Variants in TBC1D13 observed in about 807,000 individuals in gnomAD.
TBC1D13 encodes epididymis secretory sperm binding protein.
In TBC1D13, 40 loss-of-function variants were observed where a neutral mutation model predicts 53.6. The ratio of observed to expected loss-of-function variants is 0.75; its 90% CI spans 0.58 to 0.97. The LOEUF (loss-of-function observed/expected upper bound fraction) is 0.97, where lower values mean the gene tolerates loss of function less well. Among genes scored for constraint, TBC1D13 ranks in the 50% least tolerant of loss-of-function variants. The pLI is 0.00. For synonymous variants in TBC1D13, 182 were observed against 197.7 expected, an observed-to-expected ratio of 0.92 and a Z score of 0.67; for missense variants, 377 against 499.4, an observed-to-expected ratio of 0.75 and a Z score of 2.34.
Position 128,803,499 on chromosome 9 carries a change from C to T in TBC1D13, c.754+39C>T, listed in dbSNP as rs763809379. 2.5e-6 allele frequency: 4 copies of T among 1,595,982 alleles called. 1 individual carries two copies. The South Asian group carries it at 4.4e-5, about 18-fold the overall frequency. On this transcript the variant is annotated intron_variant, in intron 8 of 11. Coordinates refer to ENST00000372648, the MANE Select transcript of TBC1D13 (RefSeq NM_018201.5). ...TGGTGCCCACATCCCTCGTTGCTGG[C>T]CCGTGTCAGGCTGTGCACCTCACTT...
Position 128,790,757 on chromosome 9 carries a change from G to A in TBC1D13, c.120G>A (p.Leu40=), listed in dbSNP as rs1829518342. The A allele has an allele frequency of 1.3e-6, 2 of 1,554,794 alleles. No individual in the cohort carries two copies. The highest frequency in any genetic ancestry group is 1.7e-6 in the Non-Finnish European group (2 of 1,159,868). ...SFSGIPCEGG[L]RCLCWKILLN... The stretch of plus-strand genomic sequence containing the variant: ...CAGGCATCCCCTGTGAGGGCGGACT[G>A]CGGTGCCTCTGCTGGAAGGTGGGTG... The change falls in exon 3 of 12, where the codon CTG becomes CTA. Residue 40 remains leucine (L), a synonymous_variant. Transcript: ENST00000372648.
At chr9:128,801,779 T>TC (rs2132547936) in intron 7 of TBC1D13, among the ~76,000 whole-genome samples, 1 of 151,054 alleles carries the variant, frequency 6.6e-6, no homozygotes, top group South Asian at 2.1e-4. Flanking sequence ...TTTTTTTTTT[T>TC]GAGACGGAGT....
At chr9:128,795,979 GTATA>G (rs1829622905) in intron 6 of TBC1D13, among the ~76,000 whole-genome samples, 1 of 152,152 alleles carries the variant, frequency 6.6e-6, no homozygotes, top group Non-Finnish European at 1.5e-5. Flanking sequence ...TAAAAAAAAA[GTATA>G]TATCTATTTG....
At chr9:128,804,229 C>T in intron 9 of TBC1D13, 110 bp downstream of exon 9, 3 of 1,257,556 alleles carry the variant, frequency 2.4e-6, no homozygotes, top group Non-Finnish European at 3.3e-6. Context: ...GAAGTAGCTG[C>T]TGCTGCTGCT....
chr9:128,789,034 A>C (rs1218620448), intron 2 of TBC1D13, among the ~76,000 whole-genome samples: 1 of 152,170 alleles, frequency 6.6e-6, no homozygotes, highest in African/African-American at 2.4e-5. Context: ...GCCAGCAAGA[A>C]CTTCTGGCCG....
At position 128,808,992 on chromosome 9, in the gene TBC1D13, C is replaced by T. The variant is rs1486326320; in HGVS notation, c.*1113C>T. On this transcript the variant is annotated 3_prime_UTR_variant, in exon 12 of 12. Coordinates refer to ENST00000372648, the MANE Select transcript of TBC1D13 (RefSeq NM_018201.5). Reference sequence around the variant, plus strand: ...AGGACCTTGATTCTGAGCCCAGGGTCGGAACCCATTGCTTCAGAAGAGTTG... The same window carrying T: ...AGGACCTTGATTCTGAGCCCAGGGTTGGAACCCATTGCTTCAGAAGAGTTG... The T allele has an allele frequency of 6.6e-6, 1 of 152,194 alleles. No homozygotes were observed. The highest frequency in any genetic ancestry group is 2.4e-5 in the African/African-American group (1 of 41,434). The allele number at this position is 152,194 out of a possible 1,614,324, so 9.4% of individuals were successfully genotyped here.
In TBC1D13 at chr9:128,788,133, T is replaced by G. The variant is rs188280475; in HGVS notation, c.24-201T>G. Among the ~76,000 whole-genome samples the G allele has an allele frequency of 4.3e-4, 66 of 152,320 alleles. 1 individual carries two copies. The highest frequency in any genetic ancestry group is 1.5e-3 in the African/African-American group (64 of 41,560). On this transcript the variant is annotated intron_variant, in intron 1 of 11. Transcript: ENST00000372648. ...TTCCCTGGCATTCTGTGTTTCTGGT[T>G]GTAGAGGAAGAAGTGAAATATAGTT... is the stretch of plus-strand genomic sequence containing the variant.
Position 128,807,886 on chromosome 9 carries a change from G to A in TBC1D13, c.*7G>A, listed in dbSNP as rs138369346. On this transcript the variant is annotated 3_prime_UTR_variant, in exon 12 of 12. Transcript: ENST00000372648. Reference sequence around the variant, plus strand: ...GCTCCAAGACTCAAAGTAGCCCGGCGGCAAGAGGCCCATGTTCCGGAGAGA... The same window carrying A: ...GCTCCAAGACTCAAAGTAGCCCGGCAGCAAGAGGCCCATGTTCCGGAGAGA... The A allele has an allele frequency of 6.5e-4, 1,043 of 1,614,076 alleles. 9 individuals are homozygous for A. The African/African-American group carries it at 0.012, about 19-fold the overall frequency.
At position 128,803,878 on chromosome 9, in the gene TBC1D13, C is replaced by T. The variant is rs1829780130; in HGVS notation, c.755-78C>T. 1.1e-5 allele frequency: 17 copies of T among 1,571,420 alleles called. 1 individual carries two copies. In the Admixed American group the frequency reaches 1.2e-4, roughly 11 times the overall value. ...TGGGGCAACTCGGCGGGGCTCAGAG[C>T]AGGGCAGATGTCTGGTAGGTGAGAG... is the stretch of plus-strand genomic sequence containing the variant. On this transcript the variant is annotated intron_variant, in intron 8 of 11. Transcript: ENST00000372648.
At chr9:128,803,786 C>T (rs910582917) in intron 8 of TBC1D13, among the ~76,000 whole-genome samples, 170 bp from the exon 9 acceptor site, 1 of 152,054 alleles carries the variant, frequency 6.6e-6, no homozygotes, top group African/African-American at 2.4e-5. Context: ...AAGAAAGAGG[C>T]GATGTCTTTA....
rs944404483 is a variant in TBC1D13, at chr9:128,797,288, C to T, written c.543+74C>T. ...TTCCTTTTTCTCTTAAACTCCTGGC[C>T]ACAAGGTGTCGGGCCATGACCATCT... On this transcript the variant is annotated intron_variant, in intron 7 of 11. Transcript: ENST00000372648. 3 of 1,505,816 alleles carry T rather than the reference C, an allele frequency of 2.0e-6. No homozygotes were observed. The African/African-American group carries it at 4.1e-5, about 21-fold the overall frequency. 93.3% of individuals were successfully genotyped at this position (1,505,816 alleles called of 1,614,324 possible). A position where few individuals can be genotyped will look rare whatever the true frequency, so the allele number is the denominator to read the frequency against.
intron 8 of TBC1D13, 86 bp downstream of exon 8, chr9:128,803,546 C>A (rs889363915): frequency 1.5e-6 from 2 of 1,297,426 alleles, no homozygotes; most frequent in Admixed American, 3.7e-5. Flanking sequence ...CCTCTGTTCT[C>A]CCTCTGCCAG....
chr9:128,808,204 C>T lies in TBC1D13; in HGVS notation c.*325C>T, dbSNP rs1416315250. 4 of 361,690 alleles carry T rather than the reference C, an allele frequency of 1.1e-5. No individual in the cohort carries two copies. Among genetic ancestry groups the T allele is most frequent in the Non-Finnish European group, 1.6e-5 (3 of 188,188 alleles). The allele number at this position is 361,690 out of a possible 1,614,324, so 22.4% of individuals were successfully genotyped here. ...CCCTGCCTCGGCTCTGCCGCCCCAG[C>T]CTCAGTTCCTGCTTCTGGTCTTCTC... On this transcript the variant is annotated 3_prime_UTR_variant, in exon 12 of 12. Transcript: ENST00000372648.
chr9:128,806,360 C>T (rs532230538), intron 11 of TBC1D13, 49 bp downstream of exon 11: 9 of 1,607,008 alleles, frequency 5.6e-6, no homozygotes, highest in East Asian at 2.2e-5. Flanking sequence ...GGCTGGCACT[C>T]GCCAGGCACC....
At position 128,810,011 on chromosome 9, in the gene TBC1D13, T is replaced by G. The variant is rs958572477; in HGVS notation, c.*2132T>G. 3.3e-5 allele frequency: 5 copies of G among 152,392 alleles called. No homozygotes were observed. Among genetic ancestry groups the G allele is most frequent in the Non-Finnish European group, 5.9e-5 (4 of 68,234 alleles). 9.4% of individuals were successfully genotyped at this position (152,392 alleles called of 1,614,324 possible). On this transcript the variant is annotated 3_prime_UTR_variant, in exon 12 of 12. Transcript: ENST00000372648. ...CACTCACTCTTGTCTGCCCCCTACC[T>G]TCCCTCCTGGAACCACACTACTTGA...
At position 128,794,552 on chromosome 9, in the gene TBC1D13, T is replaced by G. The variant is rs113047877; in HGVS notation, c.383+1978T>G. 6.2e-3 allele frequency among the ~76,000 whole-genome samples: 937 copies of G among 151,948 alleles called. 18 individuals carry two copies. The highest frequency in any genetic ancestry group is 0.021 in the African/African-American group (887 of 41,514). ...GTGCAGTGGTGCAATCTCGGCTCAC[T>G]GCAACATCCGCTTCCCGGGTTCAAG... On this transcript the variant is annotated intron_variant, in intron 6 of 11. Coordinates refer to ENST00000372648, the MANE Select transcript of TBC1D13 (RefSeq NM_018201.5).
chr9:128,791,780 G>T (rs1036533457), intron 5 of TBC1D13, 87 bp downstream of exon 5: 2 of 1,163,988 alleles, frequency 1.7e-6, no homozygotes, highest in Admixed American at 3.6e-5. Flanking sequence ...TGCATGCCAG[G>T]GGGTAGGTGC....
chr9:128,807,008 C>T (rs1431348858), intron 11 of TBC1D13, among the ~76,000 whole-genome samples: 1 of 152,024 alleles, frequency 6.6e-6, no homozygotes, highest in East Asian at 1.9e-4. Context: ...CTGCTGTGCT[C>T]ATCATGTGAC....
intron 2 of TBC1D13, chr9:128,790,036 C>G (rs1001176636): frequency 6.6e-6 from 1 of 151,736 alleles, no homozygotes; most frequent in African/African-American, 2.4e-5. Context: ...GCAGGTGGAT[C>G]ACCTGAGGTC....
Sources: gnomAD v4.1 joint callset for allele counts (sites outside exome capture counted in the v4.1 genomes callset) on GRCh38, gnomAD v4.1.1 for gene constraint, MANE v1.5 for transcripts, NCBI Gene and HGNC (gene_info 2026-07-23, HGNC 2026-07-21) for gene names.